FMO1: variants seen among roughly 807,000 people sequenced by gnomAD.
FMO1 encodes the protein flavin-containing monooxygenase 1.
A neutral mutation model predicts 45.4 loss-of-function variants in FMO1; 36 were observed. The observed-to-expected ratio is 0.79, with a 90% CI of 0.61 to 1.05. The LOEUF (loss-of-function observed/expected upper bound fraction) is 1.05. Ranked by LOEUF, FMO1 falls within the 50% of genes least tolerant of loss-of-function variation. The probability of loss-of-function intolerance (pLI) is 0.00; values close to 1 mark genes in which losing one functional copy is unlikely to be tolerated. For synonymous variants in FMO1, 228 were observed against 227.2 expected (o/e 1.00, Z -0.03); for missense variants, 615 against 640.3 (o/e 0.96, Z 0.43).
intron 4 of FMO1, among the ~76,000 whole-genome samples, chr1:171,276,415 G>T (rs1340870942): frequency 6.6e-6 from 1 of 152,174 alleles, no homozygotes; most frequent in Non-Finnish European, 1.5e-5. Flanking sequence ...TTCTGAGAGA[G>T]GCTCCATAGC....
intron 2 of FMO1, among the ~76,000 whole-genome samples, chr1:171,260,845 G>A (rs913861823): frequency 2.8e-5 from 4 of 144,986 alleles, no homozygotes; most frequent in East Asian, 2.0e-4. Flanking sequence ...CAGGAGAATC[G>A]CTGGAACCTG....
chr1:171,255,015 A>G (rs1312482757), intron 1 of FMO1, among the ~76,000 whole-genome samples: 1 of 152,222 alleles, frequency 6.6e-6, no homozygotes, highest in Non-Finnish European at 1.5e-5. Flanking sequence ...TTGCAATCCC[A>G]ATACACAAAC....
intron 3 of FMO1, among the ~76,000 whole-genome samples, chr1:171,268,802 C>T (rs576321614): frequency 6.6e-6 from 1 of 152,306 alleles, no homozygotes; most frequent in African/African-American, 2.4e-5. Context: ...ACATTCACGA[C>T]CTTAAAAGTC....
intron 1 of FMO1, 119 bp from the exon 2 acceptor site, chr1:171,257,963 A>G (rs1192980279): frequency 1.7e-6 from 2 of 1,145,636 alleles, no homozygotes; most frequent in East Asian, 4.9e-5. Flanking sequence ...GACCCGCTAC[A>G]GAAGATTCAA....
intron 3 of FMO1, among the ~76,000 whole-genome samples, chr1:171,272,904 G>A (rs1007235560): frequency 8.5e-5 from 13 of 152,178 alleles, no homozygotes; most frequent in Non-Finnish European, 1.8e-4. Context: ...GACCTTGGGG[G>A]GGAACTGTTG....
Position 171,258,096 on chromosome 1 carries a change from G to A in FMO1, c.9G>A (p.Lys3=). The part of the protein sequence containing the change: MA[K]RVAIVGAGVS... ...TCCTCATGCAGGAGAACATGGCCAA[G>A]CGAGTTGCCATTGTGGGAGCTGGGG... The change falls in exon 2 of 9, where the codon AAG becomes AAA. Residue 3 remains lysine (K), a synonymous_variant. Transcript: ENST00000617670. 6.2e-7 allele frequency: 1 copy of A among 1,614,168 alleles called. No homozygotes were observed. The highest frequency in any genetic ancestry group is 8.5e-7 in the Non-Finnish European group (1 of 1,180,020).
chr1:171,252,590 G>C (rs1365761223), intron 1 of FMO1, among the ~76,000 whole-genome samples: 1 of 152,184 alleles, frequency 6.6e-6, no homozygotes, highest in East Asian at 1.9e-4. Context: ...CGGTGATGCT[G>C]CCTCTGCCTT....
At chr1:171,271,237 A>G in intron 3 of FMO1, 1 of 993,514 alleles carries the variant, frequency 1.0e-6, no homozygotes, top group Non-Finnish European at 1.6e-6. Context: ...GGGCAGGCCA[A>G]GTTGTTCTCC....
intron 3 of FMO1, among the ~76,000 whole-genome samples, chr1:171,272,072 C>G (rs1013978702): frequency 1.3e-5 from 2 of 152,238 alleles, no homozygotes; most frequent in African/African-American, 4.8e-5. Context: ...TGGGCCAGGC[C>G]CAGAGCCCCC....
intron 1 of FMO1, among the ~76,000 whole-genome samples, chr1:171,249,809 T>C (rs28384820): frequency 0.016 from 2,504 of 152,270 alleles, 38 homozygotes; most frequent in Middle Eastern, 0.044. Flanking sequence ...AATGGCTTCC[T>C]AGTAAATGCA....
chr1:171,261,954 T>C (rs145483157), intron 2 of FMO1, among the ~76,000 whole-genome samples: 2 of 152,286 alleles, frequency 1.3e-5, no homozygotes, highest in East Asian at 3.9e-4. Context: ...CTGACCCAAG[T>C]AGAGGCTGGA....
At chr1:171,252,803 G>A (rs562303161) in intron 1 of FMO1, among the ~76,000 whole-genome samples, 1 of 152,298 alleles carries the variant, frequency 6.6e-6, no homozygotes, top group African/African-American at 2.4e-5. Context: ...GCTAACAGGT[G>A]GGGGTGAGGG....
At chr1:171,275,056 A>G (rs1173944367) in intron 3 of FMO1, among the ~76,000 whole-genome samples, 1 of 152,270 alleles carries the variant, frequency 6.6e-6, no homozygotes, top group Non-Finnish European at 1.5e-5. Flanking sequence ...TGAAAAAGGC[A>G]TCAGAAACTT....
chr1:171,273,077 T>A (rs1229843433), intron 3 of FMO1, among the ~76,000 whole-genome samples: 6 of 152,206 alleles, frequency 3.9e-5, no homozygotes, highest in Non-Finnish European at 8.8e-5. Flanking sequence ...GGTAGGTCTT[T>A]CCCATGCTGT....
chr1:171,262,076 AATT>A (rs1228429455), intron 2 of FMO1, among the ~76,000 whole-genome samples: 1 of 152,200 alleles, frequency 6.6e-6, no homozygotes, highest in Non-Finnish European at 1.5e-5. Context: ...AAATTTGAGG[AATT>A]ATCATCAAAT....
At chr1:171,277,217 C>T (rs939731939) in intron 4 of FMO1, among the ~76,000 whole-genome samples, 2 of 152,144 alleles carry the variant, frequency 1.3e-5, no homozygotes, top group South Asian at 2.1e-4. Context: ...GCACACACTC[C>T]TTGCGATGGT....
At chr1:171,251,264 T>C (rs1659876017) in intron 1 of FMO1, among the ~76,000 whole-genome samples, 1 of 152,104 alleles carries the variant, frequency 6.6e-6, no homozygotes, top group Non-Finnish European at 1.5e-5. Context: ...CAGGGCCAAG[T>C]CGCAACTGTT....
intron 8 of FMO1, among the ~76,000 whole-genome samples, chr1:171,284,964 G>C (rs1661558410): frequency 6.6e-6 from 1 of 152,026 alleles, no homozygotes; most frequent in African/African-American, 2.4e-5. Context: ...GAACTAAGAT[G>C]CATTATGAGC....
intron 7 of FMO1, chr1:171,282,904 T>G: frequency 1.5e-5 from 6 of 400,834 alleles, no homozygotes; most frequent in African/African-American, 2.1e-5. Flanking sequence ...AAACTAGTTG[T>G]GAGATTCTGC....
Sources: gnomAD v4.1 joint callset for allele counts (sites outside exome capture counted in the v4.1 genomes callset) on GRCh38, gnomAD v4.1.1 for gene constraint, MANE v1.5 for transcripts, NCBI Gene and HGNC (gene_info 2026-07-23, HGNC 2026-07-21) for gene names.